Variants in GSE1 observed in about 807,000 individuals in gnomAD.
The protein encoded by GSE1 is Gse1 coiled-coil protein, also known as genetic suppressor element 1.
Under a neutral mutation model 112.6 loss-of-function variants are expected in GSE1, and 32 were observed. The ratio of observed to expected loss-of-function variants is 0.28; its 90% CI spans 0.21 to 0.38. GSE1 has a LOEUF of 0.38. Among genes scored for constraint, GSE1 ranks in the 10% least tolerant of loss-of-function variants. The probability of loss-of-function intolerance (pLI) is 1.00; values close to 1 mark genes in which losing one functional copy is unlikely to be tolerated. For missense variants in GSE1, 2,348 were observed against 1,699.2 expected (o/e 1.38, Z -6.71); for synonymous variants, 1,115 against 735.6 (o/e 1.52, Z -8.35).
chr16:85,365,103 G>A (rs1280525474), intron 2 of GSE1, among the ~76,000 whole-genome samples: 5 of 152,198 alleles, frequency 3.3e-5, no homozygotes, highest in Non-Finnish European at 7.3e-5. Context: ...GCTGTGGGGT[G>A]GGAAGCCCCT....
intron 2 of GSE1, among the ~76,000 whole-genome samples, chr16:85,402,738 A>G (rs1315854289): frequency 6.6e-6 from 1 of 152,038 alleles, no homozygotes; most frequent in African/African-American, 2.4e-5. Context: ...CCTGGACAAC[A>G]TAGTGAAACC....
At chr16:85,267,398 G>A (rs1908361061) in intron 1 of GSE1, among the ~76,000 whole-genome samples, 1 of 152,096 alleles carries the variant, frequency 6.6e-6, no homozygotes, top group Non-Finnish European at 1.5e-5. Context: ...TCACCCCCTC[G>A]GTGACTTCCC....
intron 3 of GSE1, among the ~76,000 whole-genome samples, chr16:85,650,388 G>C (rs1019430446): frequency 5.3e-5 from 8 of 152,166 alleles, no homozygotes; most frequent in Admixed American, 4.6e-4. Flanking sequence ...AGCGCCCGCA[G>C]CTCATGGGAG....
chr16:85,499,295 CTTTTTTTTTTTT>C (rs568776401), intron 2 of GSE1, among the ~76,000 whole-genome samples: 23 of 77,188 alleles, frequency 3.0e-4, no homozygotes, highest in East Asian at 2.1e-3. Flanking sequence ...GGAAAGTCAC[CTTTTTTTTTTTT>C]TTTTTTTTTT....
intron 2 of GSE1, among the ~76,000 whole-genome samples, chr16:85,509,056 A>G (rs2051642250): frequency 6.6e-6 from 1 of 152,148 alleles, no homozygotes; most frequent in Admixed American, 6.5e-5. Context: ...CCTGAGGAAG[A>G]GGAGGGATCC....
Position 85,294,856 on chromosome 16 carries a change from G to C in GSE1, c.2284-62607G>C, listed in dbSNP as rs374879599. ...AGGTTAATAACAGAATTTACCATTT[G>C]AAAGTGTACAGTTTAGTGACATTTT... On this transcript the variant is annotated intron_variant, in intron 1 of 2. Transcript: ENST00000637419. Among the ~76,000 whole-genome samples, 29 of 152,132 alleles carry C rather than the reference G, an allele frequency of 1.9e-4. No individual in the cohort carries two copies. In the South Asian group the frequency reaches 6.0e-3, roughly 32 times the overall value.
intron 2 of GSE1, among the ~76,000 whole-genome samples, chr16:85,645,961 C>T (rs938095776): frequency 6.6e-6 from 1 of 151,200 alleles, no homozygotes; most frequent in African/African-American, 2.4e-5. Context: ...CTGCTTCTAC[C>T]ACGCATTCTA....
intron 1 of GSE1, among the ~76,000 whole-genome samples, chr16:85,303,522 C>T (rs909419859): frequency 1.9e-4 from 29 of 152,356 alleles, no homozygotes; most frequent in African/African-American, 6.5e-4. Flanking sequence ...AGCCCGGGGC[C>T]GCTGGACTCG....
intron 1 of GSE1, among the ~76,000 whole-genome samples, chr16:85,584,782 C>T (rs2046611815): frequency 6.6e-6 from 1 of 152,174 alleles, no homozygotes; most frequent in Non-Finnish European, 1.5e-5. Context: ...TTCCCTCTGG[C>T]CGGAAAAGTT....
intron 1 of GSE1, among the ~76,000 whole-genome samples, chr16:85,204,517 C>T (rs990411024): frequency 7.9e-5 from 12 of 152,204 alleles, no homozygotes; most frequent in African/African-American, 2.9e-4. Context: ...CTGTGTTTAA[C>T]TTTTTGAGGA....
chr16:85,301,591 C>T (rs1484408252), intron 1 of GSE1, among the ~76,000 whole-genome samples: 1 of 152,242 alleles, frequency 6.6e-6, no homozygotes, highest in African/African-American at 2.4e-5. Flanking sequence ...GACTTCTCTC[C>T]CTGCAGGGTT....
chr16:85,537,986 TTGAG>T (rs2044389479), intron 2 of GSE1, among the ~76,000 whole-genome samples: 1 of 152,146 alleles, frequency 6.6e-6, no homozygotes, highest in South Asian at 2.1e-4. Context: ...AGGCCAGCTC[TTGAG>T]TGAGGGCCAT....
At chr16:85,246,070 CTGTG>C (rs928646161) in intron 1 of GSE1, among the ~76,000 whole-genome samples, 1 of 151,598 alleles carries the variant, frequency 6.6e-6, no homozygotes, top group Admixed American at 6.6e-5. Flanking sequence ...CTGTGTGTGA[CTGTG>C]TGAATGCTTG....
intron 1 of GSE1, among the ~76,000 whole-genome samples, chr16:85,329,923 G>A (rs2046303777): frequency 7.9e-6 from 1 of 126,956 alleles, no homozygotes; most frequent in Non-Finnish European, 1.7e-5. Context: ...GATGCAGGGG[G>A]CAAGAGGCTG....
In GSE1 at chr16:85,634,073, C is replaced by T. The variant is rs1408764521; in HGVS notation, c.167C>T (p.Pro56Leu). ...AGCGCGCTGTCGGCCCAGGCCGCGC[C>T]ATCCTCCAGCTTTGCCGCCGCGCTG... ...TSSALSAQAAPSSSFAAALRK... is the reference protein window; with the variant it reads ...TSSALSAQAALSSSFAAALRK... Residue 56 changes from proline (P) to leucine (L), a missense_variant, in exon 2 of 16, where the codon CCA becomes CTA. Coordinates refer to ENST00000253458, the MANE Select transcript of GSE1 (RefSeq NM_014615.5). 6.2e-7 allele frequency: 1 copy of T among 1,604,356 alleles called. No homozygotes were observed. The highest frequency in any genetic ancestry group is 8.5e-7 in the Non-Finnish European group (1 of 1,176,078).
chr16:85,271,122 G>A (rs747322208), intron 1 of GSE1, among the ~76,000 whole-genome samples: 9 of 152,122 alleles, frequency 5.9e-5, no homozygotes, highest in Admixed American at 1.3e-4. Flanking sequence ...TGAATGCCCC[G>A]GGGAGGAGCC....
chr16:85,346,209 A>C (rs577268558), intron 1 of GSE1, among the ~76,000 whole-genome samples: 1 of 128,566 alleles, frequency 7.8e-6, no homozygotes, highest in East Asian at 2.8e-4. Context: ...GGATGGGAAG[A>C]TGGATGCATA....
At chr16:85,446,775 T>C (rs976854420) in intron 2 of GSE1, among the ~76,000 whole-genome samples, 3 of 152,202 alleles carry the variant, frequency 2.0e-5, no homozygotes, top group Admixed American at 2.0e-4. Flanking sequence ...CCGCTTGGCT[T>C]CCTGGGTGCG....
At chr16:85,660,990 G>A (rs1432386698) in intron 8 of GSE1, among the ~76,000 whole-genome samples, 156 bp from the exon 9 acceptor site, 4 of 152,184 alleles carry the variant, frequency 2.6e-5, no homozygotes, top group African/African-American at 9.6e-5. Context: ...GATCCTTGGG[G>A]TGGAGTGTGT....
Sources: gnomAD v4.1 joint callset for allele counts (sites outside exome capture counted in the v4.1 genomes callset) on GRCh38, gnomAD v4.1.1 for gene constraint, MANE v1.5 for transcripts, NCBI Gene and HGNC (gene_info 2026-07-23, HGNC 2026-07-21) for gene names.